Variants in MEGF11 observed in about 807,000 individuals in gnomAD.
The protein encoded by MEGF11 is multiple EGF like domains 11.
A neutral mutation model predicts 146.6 loss-of-function variants in MEGF11; 126 were observed. The ratio of observed to expected loss-of-function variants is 0.86; its 90% CI spans 0.74 to 1.00. The LOEUF is 1.00. Among genes scored for constraint, MEGF11 ranks in the 50% least tolerant of loss-of-function variants. MEGF11 has a pLI of 0.00. For missense variants in MEGF11, 1,509 were observed against 1,521.2 expected, an observed-to-expected ratio of 0.99 and a Z score of 0.13; for synonymous variants, 532 against 583.4, an observed-to-expected ratio of 0.91 and a Z score of 1.27.
At chr15:66,207,215 A>G (rs529789061) in intron 1 of MEGF11, among the ~76,000 whole-genome samples, 110 of 151,474 alleles carry the variant, frequency 7.3e-4, no homozygotes, top group Non-Finnish European at 1.4e-3. Context: ...ACAAATTCCA[A>G]GTAGGATAAT....
chr15:66,085,147 C>G (rs756699056), intron 5 of MEGF11, among the ~76,000 whole-genome samples: 21 of 152,084 alleles, frequency 1.4e-4, no homozygotes, highest in Non-Finnish European at 2.6e-4. Context: ...ACCTCGCTCC[C>G]ATCCCCCACA....
chr15:66,090,374 C>T (rs2086273034), intron 5 of MEGF11, among the ~76,000 whole-genome samples: 1 of 152,150 alleles, frequency 6.6e-6, no homozygotes, highest in African/African-American at 2.4e-5. Flanking sequence ...TTACACAGGG[C>T]CACAATCCAA....
chr15:65,909,080 G>T lies in MEGF11; in HGVS notation c.2952C>A (p.Tyr984Ter). ...LEARYPPEDF[Y>*]IELRHLSRPA... ...GGCGGCTGAGGTGTCTAAGTTCAAT[G>T]TAGAAGTCCTCGGGCGGGTACCTGG... The change falls in exon 23 of 26, where the codon TAC becomes TAA. Residue 984 changes from tyrosine to a stop codon, truncating the protein, a stop_gained. Transcript: ENST00000395614. LOFTEE classifies it high-confidence loss of function. 6.5e-7 allele frequency: 1 copy of T among 1,535,964 alleles called. No individual in the cohort carries two copies. The highest frequency in any genetic ancestry group is 1.4e-5 in the African/African-American group (1 of 73,122).
At chr15:66,010,587 A>T (rs2082680343) in intron 5 of MEGF11, among the ~76,000 whole-genome samples, 3 of 152,222 alleles carry the variant, frequency 2.0e-5, no homozygotes, top group Non-Finnish European at 4.4e-5. Flanking sequence ...TGCAGGTTGG[A>T]CAGCTCTATT....
chr15:66,152,376 C>G (rs1020295274), intron 1 of MEGF11, among the ~76,000 whole-genome samples: 2 of 152,122 alleles, frequency 1.3e-5, no homozygotes, highest in East Asian at 3.9e-4. Context: ...CCAGACTCCC[C>G]CCTCCTCCTC....
chr15:66,123,860 T>C (rs1359197135), intron 3 of MEGF11, 39 bp downstream of exon 3: 2 of 1,545,390 alleles, frequency 1.3e-6, no homozygotes. Context: ...GAGAGCCCAG[T>C]GCCTTTTCCC....
chr15:66,162,211 C>CT (rs768414587), intron 1 of MEGF11, among the ~76,000 whole-genome samples: 5 of 152,156 alleles, frequency 3.3e-5, no homozygotes, highest in Non-Finnish European at 7.3e-5. Flanking sequence ...AGAAGAGGAG[C>CT]TTGGGGACAA....
Position 65,909,736 on chromosome 15 carries a change from T to G in MEGF11, c.2896+4A>C, listed in dbSNP as rs767411806. 6.4e-7 allele frequency: 1 copy of G among 1,572,768 alleles called. No individual in the cohort carries two copies. The highest frequency in any genetic ancestry group is 2.3e-5 in the East Asian group (1 of 43,412). ...GTGGGGACCAGACTCACACCACTAC[T>G]GACCTAACACGTTCACATAGCTGTA... On this transcript the variant is annotated splice_donor_region_variant and intron_variant, in intron 22 of 25. Transcript: ENST00000395614.
At chr15:65,994,032 C>T (rs570176198) in intron 5 of MEGF11, among the ~76,000 whole-genome samples, 2 of 152,296 alleles carry the variant, frequency 1.3e-5, no homozygotes, top group South Asian at 2.1e-4. Flanking sequence ...ACAGGGGCCC[C>T]GGACCTCCCA....
At chr15:66,002,014 T>TG (rs545246137) in intron 5 of MEGF11, among the ~76,000 whole-genome samples, 106 of 152,192 alleles carry the variant, frequency 7.0e-4, no homozygotes, top group African/African-American at 2.5e-3. Flanking sequence ...AATTGAATAC[T>TG]GGGGGTGGGA....
intron 5 of MEGF11, among the ~76,000 whole-genome samples, chr15:66,018,046 C>T (rs1410591300): frequency 3.9e-5 from 6 of 152,124 alleles, no homozygotes; most frequent in Admixed American, 6.5e-5. Context: ...TGAGAGGGAG[C>T]GGGGAGGAAG....
At chr15:66,194,913 A>C (rs1197605860) in intron 1 of MEGF11, among the ~76,000 whole-genome samples, 1 of 152,168 alleles carries the variant, frequency 6.6e-6, no homozygotes, top group East Asian at 1.9e-4. Flanking sequence ...CCGTTTGTGC[A>C]TTTGGGCTTG....
chr15:66,023,350 A>G (rs1185929880), intron 5 of MEGF11, among the ~76,000 whole-genome samples: 1 of 152,136 alleles, frequency 6.6e-6, no homozygotes, highest in Non-Finnish European at 1.5e-5. Flanking sequence ...TATCCATGAG[A>G]GCCTCTAAAC....
At chr15:66,152,910 C>T (rs1333204937) in intron 1 of MEGF11, among the ~76,000 whole-genome samples, 1 of 152,240 alleles carries the variant, frequency 6.6e-6, no homozygotes, top group African/African-American at 2.4e-5. Flanking sequence ...GAAGCCACCG[C>T]TTGCTCACAT....
intron 9 of MEGF11, among the ~76,000 whole-genome samples, chr15:65,964,104 G>A (rs1455211626): frequency 2.6e-5 from 4 of 152,226 alleles, no homozygotes; most frequent in Admixed American, 1.3e-4. Context: ...CTGTGGGGGC[G>A]TTCATCCAGG....
At position 65,982,178 on chromosome 15, in the gene MEGF11, C is replaced by A; in HGVS notation, c.641+64G>T. The A allele has an allele frequency of 6.7e-7, 1 of 1,496,524 alleles. No homozygotes were observed. Among genetic ancestry groups the A allele is most frequent in the Non-Finnish European group, 8.9e-7 (1 of 1,124,264 alleles). 92.7% of individuals were successfully genotyped at this position (1,496,524 alleles called of 1,614,324 possible). A position where few individuals can be genotyped will look rare whatever the true frequency, so the allele number is the denominator to read the frequency against. On this transcript the variant is annotated intron_variant, in intron 6 of 25. Transcript: ENST00000395614. The surrounding 1 kb of genome is among the most constrained non-coding windows in gnomAD (Gnocchi z 5.6). ...CCTCCACCTCCTCTACCCTCCCCAC[C>A]CAGGCACCCTCCAGGTCCCGCCCCT... is the stretch of plus-strand genomic sequence containing the variant.
intron 1 of MEGF11, among the ~76,000 whole-genome samples, chr15:66,141,275 T>TGAGA (rs1283377126): frequency 6.1e-5 from 8 of 130,268 alleles, no homozygotes; most frequent in African/African-American, 2.3e-4. Flanking sequence ...TGTGTGTGTG[T>TGAGA]GTGTGTGTGT....
intron 5 of MEGF11, among the ~76,000 whole-genome samples, chr15:66,048,086 C>T (rs1408641497): frequency 6.6e-6 from 1 of 152,078 alleles, no homozygotes; most frequent in Non-Finnish European, 1.5e-5. Flanking sequence ...GCTGGGACTA[C>T]AGGCATGTAC....
chr15:66,157,410 A>G (rs1267783486), intron 1 of MEGF11, among the ~76,000 whole-genome samples: 1 of 152,156 alleles, frequency 6.6e-6, no homozygotes, highest in Non-Finnish European at 1.5e-5. Context: ...CACACACCCC[A>G]TGTCACGGCA....
Sources: gnomAD v4.1 joint callset for allele counts (sites outside exome capture counted in the v4.1 genomes callset) on GRCh38, gnomAD v4.1.1 for gene constraint, Gnocchi (gnomAD v3.1) non-coding constraint, MANE v1.5 for transcripts, NCBI Gene and HGNC (gene_info 2026-07-23, HGNC 2026-07-21) for gene names.